The following RARB variants were observed in gnomAD, a reference collection of about 807,000 sequenced individuals.
RARB encodes retinoic acid receptor beta.
Under a neutral mutation model 51.9 loss-of-function variants are expected in RARB, and 17 were observed. The observed-to-expected ratio is 0.33, with a 90% CI of 0.22 to 0.49. The LOEUF is 0.49. Among genes scored for constraint, RARB ranks in the 20% least tolerant of loss-of-function variants. The pLI is 0.99. For synonymous variants in RARB, 215 were observed against 195.4 expected (o/e 1.10, Z -0.84); for missense variants, 369 against 550.8 (o/e 0.67, Z 3.30).
chr3:25,334,673 T>C (rs975779913), intron 5 of RARB, among the ~76,000 whole-genome samples: 1 of 151,956 alleles, frequency 6.6e-6, no homozygotes, highest in South Asian at 2.1e-4. Context: ...GAACTTAAAG[T>C]GTAATAAAAA....
At position 25,344,904 on chromosome 3, in the gene RARB, A is replaced by G. The variant is rs192572567; in HGVS notation, c.179-116289A>G. Among the ~76,000 whole-genome samples, 685 of 152,296 alleles carry G rather than the reference A, an allele frequency of 4.5e-3. 9 individuals carry two copies. Among genetic ancestry groups the G allele is most frequent in the Non-Finnish European group, 7.8e-3 (528 of 68,038 alleles). The stretch of plus-strand genomic sequence containing the variant: ...TGGAAAGTTTTTAGGGCTTAAGCTT[A>G]AATTGTCATTCTCATGCACGGTCTC... On this transcript the variant is annotated intron_variant, in intron 5 of 11. Coordinates refer to the RARB transcript ENST00000383772.
chr3:24,830,257 A>T (rs565191790), intron 1 of RARB, among the ~76,000 whole-genome samples: 8 of 143,300 alleles, frequency 5.6e-5, no homozygotes, highest in Non-Finnish European at 1.0e-4. Flanking sequence ...ATGTAATTGC[A>T]GTGTGCCCCA....
chr3:24,855,171 G>C (rs1702615672), intron 1 of RARB, among the ~76,000 whole-genome samples: 2 of 152,152 alleles, frequency 1.3e-5, no homozygotes, highest in African/African-American at 4.8e-5. Context: ...CTGTGGGAAG[G>C]CTGTTAATTT....
chr3:25,527,620 A>T (rs1024202096), intron 3 of RARB, among the ~76,000 whole-genome samples: 1 of 152,172 alleles, frequency 6.6e-6, no homozygotes, highest in Non-Finnish European at 1.5e-5. Context: ...TTTAGTCCCA[A>T]ACCATCCAAG....
intron 3 of RARB, among the ~76,000 whole-genome samples, chr3:25,104,191 C>T (rs1228061083): frequency 6.6e-6 from 1 of 152,156 alleles, no homozygotes; most frequent in Admixed American, 6.6e-5. Context: ...CGTACACCTG[C>T]CTGAATGGCT....
intron 1 of RARB, among the ~76,000 whole-genome samples, chr3:24,834,832 G>C (rs1702322455): frequency 6.6e-6 from 1 of 152,210 alleles, no homozygotes; most frequent in South Asian, 2.1e-4. Flanking sequence ...TTTTTGTGCT[G>C]ATCCTGGCTT....
chr3:25,026,894 C>T (rs1697760671), intron 2 of RARB, among the ~76,000 whole-genome samples: 1 of 152,172 alleles, frequency 6.6e-6, no homozygotes, highest in Non-Finnish European at 1.5e-5. Context: ...AAAATAGTCT[C>T]AAGGGCATAG....
intron 5 of RARB, among the ~76,000 whole-genome samples, chr3:25,253,241 A>G (rs73045965): frequency 0.1 from 15,757 of 152,112 alleles, 1,013 homozygotes; most frequent in South Asian, 0.26. Context: ...GTGTTTTTTT[A>G]TTCTATTCTC....
At chr3:24,974,302 T>C (rs989981723) in intron 2 of RARB, among the ~76,000 whole-genome samples, 4 of 152,190 alleles carry the variant, frequency 2.6e-5, no homozygotes, top group South Asian at 2.1e-4. Context: ...TCACGGTGAA[T>C]AATTTTTTAA....
At chr3:25,136,881 G>A (rs547357694) in intron 4 of RARB, among the ~76,000 whole-genome samples, 1 of 152,110 alleles carries the variant, frequency 6.6e-6, no homozygotes, top group Non-Finnish European at 1.5e-5. Flanking sequence ...GGAAGTAGAG[G>A]AATACATATT....
chr3:25,177,699 C>T (rs1409013094), intron 5 of RARB, among the ~76,000 whole-genome samples: 1 of 152,150 alleles, frequency 6.6e-6, no homozygotes, highest in Non-Finnish European at 1.5e-5. Context: ...CTCTTGTCAG[C>T]TTTATCTCCT....
intron 3 of RARB, among the ~76,000 whole-genome samples, chr3:25,517,623 C>G (rs183332154): frequency 2.0e-5 from 3 of 152,208 alleles, no homozygotes; most frequent in Admixed American, 2.0e-4. Flanking sequence ...TATTATGGGA[C>G]CCATTCATTT....
At chr3:25,087,546 A>G (rs1699125355) in intron 3 of RARB, among the ~76,000 whole-genome samples, 1 of 152,154 alleles carries the variant, frequency 6.6e-6, no homozygotes, top group Admixed American at 6.6e-5. Context: ...AAAATGGGGC[A>G]AGATAATAGT....
intron 3 of RARB, among the ~76,000 whole-genome samples, chr3:25,562,831 A>G (rs2125680311): frequency 1.3e-5 from 2 of 152,358 alleles, no homozygotes; most frequent in South Asian, 4.1e-4. Flanking sequence ...AAGACTGTCC[A>G]CACAAGAAGA....
rs80116145 is a variant in RARB at position 25,322,649 on chromosome 3, A to G, written c.179-138544A>G. Among the ~76,000 whole-genome samples, 773 of 152,328 alleles carry G rather than the reference A, an allele frequency of 5.1e-3. 12 individuals carry two copies. Among genetic ancestry groups the G allele is most frequent in the East Asian group, 0.028 (144 of 5,182 alleles). ...TATAATCATATTTTTATAATGGCAT[A>G]AGCATGTATTGCATAAACAGTAAAA... On this transcript the variant is annotated intron_variant, in intron 5 of 11. Transcript: ENST00000383772.
intron 3 of RARB, among the ~76,000 whole-genome samples, chr3:25,514,865 C>T (rs1698081406): frequency 1.3e-5 from 2 of 152,176 alleles, no homozygotes; most frequent in Admixed American, 1.3e-4. Context: ...GAAGGAGTCC[C>T]ACTTTATGTC....
chr3:25,247,533 C>A (rs1445014797), intron 5 of RARB, among the ~76,000 whole-genome samples: 2 of 152,208 alleles, frequency 1.3e-5, no homozygotes, highest in Non-Finnish European at 2.9e-5. Flanking sequence ...AGCTCCATCC[C>A]TCATGGCGTG....
chr3:25,441,697 C>T (rs1708694116), intron 1 of RARB, among the ~76,000 whole-genome samples: 1 of 152,148 alleles, frequency 6.6e-6, no homozygotes, highest in Admixed American at 6.5e-5. Context: ...CTGCAAACAC[C>T]TGGATACCTA....
At chr3:25,119,350 G>C (rs1465146294) in intron 3 of RARB, among the ~76,000 whole-genome samples, 1 of 152,098 alleles carries the variant, frequency 6.6e-6, no homozygotes, top group African/African-American at 2.4e-5. Context: ...TCCTCCATTT[G>C]ACCTTGGCAA....
Sources: gnomAD v4.1 joint callset for allele counts (sites outside exome capture counted in the v4.1 genomes callset) on GRCh38, gnomAD v4.1.1 for gene constraint, MANE v1.5 for transcripts, NCBI Gene and HGNC (gene_info 2026-07-23, HGNC 2026-07-21) for gene names.